Variants in RPS6KA2 observed in about 807,000 individuals in gnomAD.
RPS6KA2 encodes ribosomal protein S6 kinase A2.
Under a neutral mutation model 91.8 loss-of-function variants are expected in RPS6KA2, and 42 were observed. That is an observed-to-expected ratio of 0.46 (90% confidence interval 0.36 to 0.59). The LOEUF (loss-of-function observed/expected upper bound fraction) is 0.59, where lower values mean the gene tolerates loss of function less well. Ranked by LOEUF, RPS6KA2 falls within the 20% of genes least tolerant of loss-of-function variation. RPS6KA2 has a pLI of 0.00. For missense variants in RPS6KA2, 798 were observed against 978.5 expected (o/e 0.82, Z 2.46); for synonymous variants, 414 against 393.6 (o/e 1.05, Z -0.61).
intron 2 of RPS6KA2, among the ~76,000 whole-genome samples, chr6:166,744,970 AG>A (rs1414304610): frequency 1.3e-5 from 2 of 151,906 alleles, no homozygotes; most frequent in Non-Finnish European, 2.9e-5. Flanking sequence ...CAAATAACAG[AG>A]GCTCGTGGTT....
chr6:166,430,698 CAG>C lies in RPS6KA2; in HGVS notation c.1423-89_1423-88del, dbSNP rs1779098591. 2.1e-6 allele frequency: 3 copies of C among 1,408,310 alleles called. No individual in the cohort carries two copies. In the East Asian group the frequency reaches 7.3e-5, roughly 34 times the overall value. 87.2% of individuals were successfully genotyped at this position (1,408,310 alleles called of 1,614,324 possible). On this transcript the variant is annotated intron_variant, in intron 15 of 20. Coordinates refer to ENST00000265678, the MANE Select transcript of RPS6KA2 (RefSeq NM_021135.6). ...TCCAGAGGGGACAGGAGAGGGAAGT[CAG>C]AGGGGAGAGGCTGGGACCACAGGGT...
upstream of RPS6KA2, among the ~76,000 whole-genome samples, chr6:166,631,834 G>A (rs1787088037): frequency 6.6e-6 from 1 of 152,226 alleles, no homozygotes; most frequent in Admixed American, 6.5e-5. Context: ...AGACAGACCA[G>A]AGAGAGGCTG....
chr6:166,625,035 T>C (rs544381096), intron 1 of RPS6KA2, among the ~76,000 whole-genome samples: 2 of 152,270 alleles, frequency 1.3e-5, no homozygotes, highest in African/African-American at 2.4e-5. Context: ...GGTTTCTCCA[T>C]GTTGGCCAGA....
Position 166,647,102 on chromosome 6 carries a change from A to T in RPS6KA2, c.124-108318T>A, listed in dbSNP as rs183168741. ...TATCTGTATATCAGTATGTGCCAGA[A>T]ATCGTTCTGAGTCATGCCGATCTCC... On this transcript the variant is annotated intron_variant, in intron 2 of 21. Transcript: ENST00000503859. Among the ~76,000 whole-genome samples the T allele has an allele frequency of 7.0e-4, 106 of 152,172 alleles. No individual in the cohort carries two copies. The East Asian group carries it at 0.018, about 26-fold the overall frequency.
chr6:166,556,375 C>T (rs1446491930), intron 1 of RPS6KA2, among the ~76,000 whole-genome samples: 1 of 152,194 alleles, frequency 6.6e-6, no homozygotes, highest in Admixed American at 6.5e-5. Context: ...AATGACTTTT[C>T]CCCCTACTAC....
At chr6:166,513,474 C>T (rs149662548) in intron 3 of RPS6KA2, among the ~76,000 whole-genome samples, 2 of 152,290 alleles carry the variant, frequency 1.3e-5, no homozygotes, top group East Asian at 3.9e-4. Context: ...GCAATTCAAC[C>T]CCATGTTCTT....
intron 2 of RPS6KA2, among the ~76,000 whole-genome samples, chr6:166,693,106 C>T (rs1271862408): frequency 6.6e-6 from 1 of 152,218 alleles, no homozygotes. Flanking sequence ...TATAGGGCTA[C>T]TCTTTCCGTT....
At chr6:166,826,120 TG>T (rs1780043118) in intron 2 of RPS6KA2, among the ~76,000 whole-genome samples, 1 of 152,210 alleles carries the variant, frequency 6.6e-6, no homozygotes. Context: ...GAAAAACAAA[TG>T]TAAATGTTAT....
chr6:166,620,328 A>T (rs1008276010), intron 1 of RPS6KA2, among the ~76,000 whole-genome samples: 2 of 152,232 alleles, frequency 1.3e-5, no homozygotes, highest in African/African-American at 2.4e-5. Context: ...AATAACTGAA[A>T]GAAGAAACAA....
chr6:166,601,447 G>A (rs1487232345), intron 1 of RPS6KA2, among the ~76,000 whole-genome samples: 1 of 152,218 alleles, frequency 6.6e-6, no homozygotes, highest in African/African-American at 2.4e-5. Flanking sequence ...ACCAAGAAGA[G>A]CTACGACAAT....
intron 2 of RPS6KA2, among the ~76,000 whole-genome samples, chr6:166,724,423 A>G (rs1328653558): frequency 1.3e-5 from 2 of 150,456 alleles, no homozygotes; most frequent in African/African-American, 2.5e-5. Flanking sequence ...CTTGTTATTC[A>G]TATTGAAAAC....
intron 6 of RPS6KA2, among the ~76,000 whole-genome samples, chr6:166,503,837 G>C (rs1554282581): frequency 6.6e-6 from 1 of 152,220 alleles, no homozygotes; most frequent in Non-Finnish European, 1.5e-5. Context: ...ATCTAGAATA[G>C]ATTAGCAAAA....
intron 10 of RPS6KA2, among the ~76,000 whole-genome samples, chr6:166,486,928 G>C (rs116247207): frequency 6.6e-6 from 1 of 152,208 alleles, no homozygotes; most frequent in Non-Finnish European, 1.5e-5. Context: ...AGAATTAACC[G>C]GCCCAAAATG....
chr6:166,625,337 C>G (rs1333438672), intron 1 of RPS6KA2, among the ~76,000 whole-genome samples: 3 of 118,062 alleles, frequency 2.5e-5, no homozygotes, highest in Non-Finnish European at 3.5e-5. Flanking sequence ...CCCCACCCCC[C>G]CCCCCGCTTG....
At chr6:166,560,115 C>T (rs1291437762) in intron 1 of RPS6KA2, among the ~76,000 whole-genome samples, 1 of 152,146 alleles carries the variant, frequency 6.6e-6, no homozygotes, top group Non-Finnish European at 1.5e-5. Context: ...CAGGACAGTA[C>T]CAGACACAGC....
intron 19 of RPS6KA2, among the ~76,000 whole-genome samples, chr6:166,416,688 T>C (rs1778542544): frequency 7.2e-6 from 1 of 139,374 alleles, no homozygotes; most frequent in Non-Finnish European, 1.6e-5. Flanking sequence ...CTCCCACCAT[T>C]ACCTCCACCA....
At chr6:166,580,828 T>C (rs924495977) in intron 1 of RPS6KA2, among the ~76,000 whole-genome samples, 1 of 152,204 alleles carries the variant, frequency 6.6e-6, no homozygotes, top group Admixed American at 6.5e-5. Flanking sequence ...ATTAAATCTT[T>C]AAGTGGTTAA....
intron 3 of RPS6KA2, among the ~76,000 whole-genome samples, chr6:166,523,123 C>T (rs923123841): frequency 5.3e-5 from 8 of 152,258 alleles, no homozygotes; most frequent in Non-Finnish European, 7.4e-5. Flanking sequence ...TGGTAATAAA[C>T]ACATAGAGGA....
chr6:166,820,198 G>A (rs1271740503), intron 2 of RPS6KA2, among the ~76,000 whole-genome samples: 1 of 152,050 alleles, frequency 6.6e-6, no homozygotes, highest in Non-Finnish European at 1.5e-5. Context: ...TAAGCTCTGA[G>A]CCCACTACTA....
Sources: allele counts gnomAD v4.1 joint callset (sites outside exome capture counted in the v4.1 genomes callset), GRCh38; gene constraint gnomAD v4.1.1; transcripts MANE v1.5; gene names NCBI Gene and HGNC (gene_info 2026-07-23, HGNC 2026-07-21).